HIVEP3: variants seen among roughly 807,000 people sequenced by gnomAD.
The protein encoded by HIVEP3 is transcription factor HIVEP3.
HIVEP3 carries 49 observed loss-of-function variants against 152.8 expected under a neutral mutation model. The observed-to-expected ratio is 0.32, with a 90% CI of 0.26 to 0.41. The LOEUF is 0.41. HIVEP3 is among the 10% of genes least tolerant of loss of function. HIVEP3 has a pLI of 1.00. For synonymous variants in HIVEP3, 1,269 were observed against 1,289.0 expected (o/e 0.98, Z 0.33); for missense variants, 2,790 against 3,103.3 (o/e 0.90, Z 2.40).
intron 1 of HIVEP3, among the ~76,000 whole-genome samples, chr1:41,802,281 T>A (rs1264136006): frequency 6.6e-6 from 1 of 152,180 alleles, no homozygotes; most frequent in Non-Finnish European, 1.5e-5. Context: ...AGTGGCGCCA[T>A]CTCAGCTCAC....
rs77745322 is a variant in HIVEP3, at chr1:41,671,636, C to T, written c.-721+29280G>A. Among the ~76,000 whole-genome samples, 340 of 152,348 alleles carry T rather than the reference C, an allele frequency of 2.2e-3. 2 individuals carry two copies. Among genetic ancestry groups the T allele is most frequent in the African/African-American group, 5.5e-3 (228 of 41,590 alleles). ...GAAAGCCACAGGTCAAATGAGGCTC[C>T]GCCTCACGCAGAACAGGGGACCTCC... On this transcript the variant is annotated intron_variant, in intron 2 of 8. Coordinates refer to ENST00000372583, the MANE Select transcript of HIVEP3 (RefSeq NM_024503.5).
At chr1:41,636,172 C>A (rs10890151) in intron 2 of HIVEP3, among the ~76,000 whole-genome samples, 70,899 of 151,528 alleles carry the variant, frequency 0.47, 17,217 homozygotes, top group Non-Finnish European at 0.54. Context: ...GAGTAACAAA[C>A]AAATCCGCAG....
At chr1:41,833,464 C>A (rs577975880) in intron 1 of HIVEP3, among the ~76,000 whole-genome samples, 4 of 152,234 alleles carry the variant, frequency 2.6e-5, no homozygotes, top group South Asian at 4.2e-4. Context: ...CTGTTCCTAT[C>A]CTAGAGGCAA....
At chr1:41,562,635 C>CTTTCTTTCTTTCTT (rs1339783475) in intron 5 of HIVEP3, among the ~76,000 whole-genome samples, 3 of 95,728 alleles carry the variant, frequency 3.1e-5, no homozygotes, top group African/African-American at 1.4e-4. Context: ...CTCTCTCTCC[C>CTTTCTTTCTTTCTT]TCTCTCTCTC....
chr1:41,529,939 A>AC (rs372261695), intron 5 of HIVEP3, among the ~76,000 whole-genome samples: 140 of 61,526 alleles, frequency 2.3e-3, no homozygotes, highest in African/African-American at 7.6e-3. Context: ...ACGGACATGC[A>AC]CCCCCCACCC....
intron 5 of HIVEP3, among the ~76,000 whole-genome samples, chr1:41,530,000 CTT>C (rs1282279550): frequency 2.0e-5 from 3 of 146,418 alleles, no homozygotes; most frequent in Non-Finnish European, 3.0e-5. Flanking sequence ...ACACCACACA[CTT>C]AGACTCATTT....
intron 1 of HIVEP3, among the ~76,000 whole-genome samples, chr1:41,746,368 T>C (rs540055288): frequency 6.6e-6 from 1 of 152,368 alleles, no homozygotes; most frequent in South Asian, 2.1e-4. Context: ...GAAATGGGAC[T>C]GGCTGTGAAG....
At chr1:41,806,591 A>C (rs1028687378) in intron 1 of HIVEP3, among the ~76,000 whole-genome samples, 1 of 152,214 alleles carries the variant, frequency 6.6e-6, no homozygotes, top group African/African-American at 2.4e-5. Context: ...AGAAGCACTG[A>C]TCTCCACCCG....
At chr1:41,659,343 T>C (rs534505815) in intron 2 of HIVEP3, among the ~76,000 whole-genome samples, 1 of 152,318 alleles carries the variant, frequency 6.6e-6, no homozygotes, top group Admixed American at 6.5e-5. Context: ...CACACAGCTT[T>C]GTTTGAGTTT....
intron 1 of HIVEP3, among the ~76,000 whole-genome samples, chr1:41,740,673 C>G (rs142910776): frequency 6.6e-6 from 1 of 152,248 alleles, no homozygotes; most frequent in Non-Finnish European, 1.5e-5. Flanking sequence ...TCCTCCTTCA[C>G]TCATCCTGAC....
At chr1:41,545,702 C>G (rs1370625048) in intron 5 of HIVEP3, among the ~76,000 whole-genome samples, 1 of 76,550 alleles carries the variant, frequency 1.3e-5, no homozygotes, top group Non-Finnish European at 4.1e-5. Context: ...CCATCACCAC[C>G]ACCACCACCA....
At chr1:41,593,442 G>C (rs968469473) in intron 3 of HIVEP3, among the ~76,000 whole-genome samples, 23 of 152,150 alleles carry the variant, frequency 1.5e-4, no homozygotes, top group Admixed American at 2.6e-4. Flanking sequence ...TAGATATGAA[G>C]GTTGTTTCCA....
At chr1:41,814,189 T>C (rs1165606390) in intron 1 of HIVEP3, among the ~76,000 whole-genome samples, 3 of 152,216 alleles carry the variant, frequency 2.0e-5, no homozygotes, top group Non-Finnish European at 4.4e-5. Flanking sequence ...CAGTACGTCA[T>C]GTCTGTGAGG....
chr1:41,775,139 T>C (rs1648614063), intron 1 of HIVEP3, among the ~76,000 whole-genome samples: 1 of 152,116 alleles, frequency 6.6e-6, no homozygotes, highest in Non-Finnish European at 1.5e-5. Context: ...GTAAACTGAA[T>C]AGCCACATCA....
chr1:41,967,501 G>C (rs187410406), intron 1 of HIVEP3, among the ~76,000 whole-genome samples: 24 of 152,312 alleles, frequency 1.6e-4, no homozygotes, highest in South Asian at 6.2e-4. Flanking sequence ...AAACTAATGA[G>C]AACAAAGAGA....
chr1:41,620,790 C>T (rs1004316121), intron 3 of HIVEP3, among the ~76,000 whole-genome samples: 3 of 152,216 alleles, frequency 2.0e-5, no homozygotes, highest in African/African-American at 7.2e-5. Flanking sequence ...CCCAGTCACT[C>T]ACCCTCCACT....
intron 1 of HIVEP3, among the ~76,000 whole-genome samples, chr1:41,763,037 C>T (rs960365318): frequency 2.0e-5 from 3 of 152,164 alleles, no homozygotes; most frequent in African/African-American, 7.2e-5. Flanking sequence ...AACACTAATA[C>T]AAAAGCCAGA....
At chr1:42,027,850 C>T (rs1269080702) in intron 1 of HIVEP3, among the ~76,000 whole-genome samples, 2 of 152,156 alleles carry the variant, frequency 1.3e-5, no homozygotes, top group Non-Finnish European at 2.9e-5. Flanking sequence ...GACTCACTAT[C>T]ACGAGAATAG....
chr1:41,841,126 C>T (rs1411424680), intron 1 of HIVEP3, among the ~76,000 whole-genome samples: 2 of 152,144 alleles, frequency 1.3e-5, no homozygotes, highest in African/African-American at 2.4e-5. Context: ...GCCAGCCCTG[C>T]GTTTCCACCT....
Sources: gnomAD v4.1 joint callset for allele counts (sites outside exome capture counted in the v4.1 genomes callset) on GRCh38, gnomAD v4.1.1 for gene constraint, MANE v1.5 for transcripts, NCBI Gene and HGNC (gene_info 2026-07-23, HGNC 2026-07-21) for gene names.